Variants in MYH3 observed in about 807,000 individuals in gnomAD.
MYH3 encodes myosin heavy chain 3, also known as myosin-3.
Under a neutral mutation model 238.0 loss-of-function variants are expected in MYH3, and 130 were observed. The observed-to-expected ratio is 0.55, with a 90% confidence interval of 0.47 to 0.63. The LOEUF is 0.63. MYH3 is among the 30% of genes least tolerant of loss of function. The pLI is 0.00. For synonymous variants in MYH3, 880 were observed against 924.1 expected, an observed-to-expected ratio of 0.95 and a Z score of 0.86; for missense variants, 1,853 against 2,374.9, an observed-to-expected ratio of 0.78 and a Z score of 4.57.
chr17:10,632,378 C>T (rs574825700), intron 34 of MYH3, 98 bp downstream of exon 34: 1 of 1,392,508 alleles, frequency 7.2e-7, no homozygotes, highest in African/African-American at 1.4e-5. Context: ...CTCAGTCTCC[C>T]AGAGCGCTGG....
rs940917587 is a variant in MYH3, at chr17:10,654,498, C to G, written c.204+363G>C. On this transcript the variant is annotated intron_variant, in intron 3 of 40. Coordinates refer to ENST00000583535, the MANE Select transcript of MYH3 (RefSeq NM_002470.4). The surrounding 1 kb of genome is among the most constrained non-coding windows in gnomAD (Gnocchi z 4.5). The stretch of plus-strand genomic sequence containing the variant: ...TGGCCATTGATAGAATAATTTGGGA[C>G]AAATCTAGGCTACCAAAGGAGAGTG... Among the ~76,000 whole-genome samples, 1 of 152,224 alleles carries G rather than the reference C, an allele frequency of 6.6e-6. No homozygotes were observed. The highest frequency in any genetic ancestry group is 2.4e-5 in the African/African-American group (1 of 41,450).
At chr17:10,633,470 C>T (rs2048849698) in intron 33 of MYH3, 121 bp downstream of exon 33, 9 of 1,215,372 alleles carry the variant, frequency 7.4e-6, no homozygotes, top group Non-Finnish European at 1.1e-5. Flanking sequence ...GGGAAAGCAG[C>T]AGGCATTAGG....
chr17:10,658,110 AG>A (rs779107838), upstream of MYH3, among the ~76,000 whole-genome samples: 43 of 152,258 alleles, frequency 2.8e-4, no homozygotes, highest in Admixed American at 1.4e-3. Context: ...GGGATGGGGT[AG>A]GGGGAACGGT....
In MYH3 at chr17:10,644,694, T is replaced by C; in HGVS notation, c.1150A>G (p.Lys384Glu). Residue 384 changes from lysine to glutamate, a missense_variant, in exon 13 of 41, where the codon AAA becomes GAA. Transcript: ENST00000583535. ...AEPDGTEVAD[K>E]TAYLMGLNSS... ...TTCAGGCCCATCAGATAGGCTGTTT[T>C]GTCAGCCACTGGCAAGAAAACAAGG... The C allele has an allele frequency of 6.2e-7, 1 of 1,611,562 alleles. No homozygotes were observed. The highest frequency in any genetic ancestry group is 8.5e-7 in the Non-Finnish European group (1 of 1,177,972).
intron 30 of MYH3, 66 bp downstream of exon 30, chr17:10,635,301 T>C: frequency 2.5e-6 from 4 of 1,612,492 alleles, no homozygotes; most frequent in Non-Finnish European, 3.4e-6. Flanking sequence ...AAACGCCTAG[T>C]AATAAAAATA....
At chr17:10,670,862 T>A in the MYH3 span, among the ~76,000 whole-genome samples, 1 of 152,140 alleles carries the variant, frequency 6.6e-6, no homozygotes, top group Non-Finnish European at 1.5e-5. The surrounding 1 kb of genome is among the most constrained non-coding windows in gnomAD (Gnocchi z 7.0). Context: ...CTTATGAATG[T>A]ACCACTGTTT....
chr17:10,653,812 T>C (rs989286606), intron 3 of MYH3, among the ~76,000 whole-genome samples: 7 of 152,220 alleles, frequency 4.6e-5, no homozygotes, highest in Non-Finnish European at 1.0e-4. Flanking sequence ...CTGTCTATGA[T>C]GGTCTCTTAG....
chr17:10,639,618 T>C lies in MYH3; in HGVS notation c.2867A>G (p.Asp956Gly), dbSNP rs1436860220. ...CTTGGCCAGGGTCAACTCAAGGTCA[T>C]CAATGTCTTTCTTGAGCTCTGAGCA... ...DECSELKKDIDDLELTLAKVE... is the reference protein window; with the variant it reads ...DECSELKKDIGDLELTLAKVE... Residue 956 changes from aspartate to glycine, a missense_variant, in exon 23 of 41, where the codon GAT (aspartate) becomes GGT (glycine). Physicochemically the swap from Asp to Gly is moderately conservative, Grantham distance 94. Coordinates refer to ENST00000583535, the MANE Select transcript of MYH3 (RefSeq NM_002470.4). The C allele has an allele frequency of 1.9e-5, 30 of 1,614,068 alleles. No individual in the cohort carries two copies. Among genetic ancestry groups the C allele is most frequent in the Non-Finnish European group, 2.5e-5 (30 of 1,180,042 alleles).
In MYH3 at chr17:10,628,886, T is replaced by G. The variant is rs560923830; in HGVS notation, c.5797-207A>C. Among the ~76,000 whole-genome samples the G allele has an allele frequency of 2.6e-5, 4 of 152,268 alleles. No individual in the cohort carries two copies. The East Asian group carries it at 7.7e-4, about 29-fold the overall frequency. On this transcript the variant is annotated intron_variant, in intron 40 of 40. Transcript: ENST00000583535. ...CTCCGAAAGAGCAAGCCCCAAACGC[T>G]GGAGACCCAGCGACCTACTGTCGGA...
chr17:10,663,869 C>T, the MYH3 span, among the ~76,000 whole-genome samples: 2 of 151,932 alleles, frequency 1.3e-5, no homozygotes, highest in African/African-American at 4.8e-5. Flanking sequence ...TCGAGACCAG[C>T]GTGACCAACA....
chr17:10,653,341 G>T (rs536994175), intron 3 of MYH3, among the ~76,000 whole-genome samples: 44 of 152,246 alleles, frequency 2.9e-4, no homozygotes, highest in Middle Eastern at 3.4e-3. Flanking sequence ...AAGGGGCATT[G>T]GATTGCCAGG....
chr17:10,653,093 T>C (rs1019847467), intron 3 of MYH3, among the ~76,000 whole-genome samples: 1 of 152,112 alleles, frequency 6.6e-6, no homozygotes, highest in African/African-American at 2.4e-5. Flanking sequence ...CAGGGTGTCT[T>C]CTTCCTCCCC....
In MYH3 at chr17:10,639,635, C is replaced by T; in HGVS notation, c.2850G>A (p.Glu950=). 6.2e-7 allele frequency: 1 copy of T among 1,614,140 alleles called. No individual in the cohort carries two copies. Among genetic ancestry groups the T allele is most frequent in the South Asian group, 1.1e-5 (1 of 91,072 alleles). Residue 950 remains glutamate (E), a synonymous_variant, in exon 23 of 41, where the codon GAG becomes GAA. Coordinates refer to ENST00000583535, the MANE Select transcript of MYH3 (RefSeq NM_002470.4). ...CAAGGTCATCAATGTCTTTCTTGAG[C>T]TCTGAGCATTCATCCTCCAGTTTCC... ...KKRKLEDECS[E]LKKDIDDLEL...
At chr17:10,630,568 G>A (rs957110227) in intron 36 of MYH3, 110 bp from the exon 37 acceptor site, 5 of 1,518,118 alleles carry the variant, frequency 3.3e-6, no homozygotes, top group Admixed American at 3.4e-5. Flanking sequence ...AAAAAGGACA[G>A]GCCAGGCGCG....
At chr17:10,638,528 T>C in intron 26 of MYH3, 96 bp from the exon 27 acceptor site, 1 of 1,517,160 alleles carries the variant, frequency 6.6e-7, no homozygotes, top group Non-Finnish European at 8.9e-7. Flanking sequence ...TTAGACAAAC[T>C]GAGTCTTAGA....
rs530811029 is a variant in MYH3 at position 10,653,889 on chromosome 17, T to C, written c.204+972A>G. On this transcript the variant is annotated intron_variant, in intron 3 of 40. Coordinates refer to ENST00000583535, the MANE Select transcript of MYH3 (RefSeq NM_002470.4). Reference sequence around the variant, plus strand: ...TCCCTGACGTGTTAGCAGCCCATTCTTAGCTCCTTATTGGAAATACACAGA... The same window carrying C: ...TCCCTGACGTGTTAGCAGCCCATTCCTAGCTCCTTATTGGAAATACACAGA... 6.6e-5 allele frequency among the ~76,000 whole-genome samples: 10 copies of C among 152,348 alleles called. No homozygotes were observed. In the South Asian group the frequency reaches 2.1e-3, roughly 32 times the overall value.
chr17:10,667,230 A>C, the MYH3 span, among the ~76,000 whole-genome samples: 179 of 152,342 alleles, frequency 1.2e-3, 1 homozygote, highest in African/African-American at 4.1e-3. Context: ...CTACGGTAAG[A>C]GATATTTTCA....
chr17:10,638,120 G>A lies in MYH3; in HGVS notation c.3652C>T (p.Leu1218=), dbSNP rs1421092166. The A allele has an allele frequency of 1.9e-6, 3 of 1,613,576 alleles. No homozygotes were observed. Among genetic ancestry groups the A allele is most frequent in the African/African-American group, 1.3e-5 (1 of 74,742 alleles). The change falls in exon 27 of 41, where the codon CTG becomes TTG. Residue 1218 remains leucine (L), a synonymous_variant. Transcript: ENST00000583535. ...TTGAACTCGCTCTTCTCCTTCTCCA[G>A]CTTCTGCTTGACCCGCTGCAGGTTG... ...IDNLQRVKQK[L]EKEKSEFKLE...
chr17:10,655,767 T>G (rs2074423102), intron 2 of MYH3, among the ~76,000 whole-genome samples: 1 of 152,140 alleles, frequency 6.6e-6, no homozygotes, highest in Admixed American at 6.5e-5. Flanking sequence ...TACTCCTGCC[T>G]CAGTCTCTTG....
Sources: allele counts gnomAD v4.1 joint callset (sites outside exome capture counted in the v4.1 genomes callset), GRCh38; gene constraint gnomAD v4.1.1; non-coding constraint Gnocchi (gnomAD v3.1); transcripts MANE v1.5; gene names NCBI Gene and HGNC (gene_info 2026-07-23, HGNC 2026-07-21).